Variants in IFT57 observed in about 807,000 individuals in gnomAD.
IFT57 encodes the protein intraflagellar transport 57.
A neutral mutation model predicts 56.8 loss-of-function variants in IFT57; 59 were observed. The ratio of observed to expected loss-of-function variants is 1.04; its 90% confidence interval spans 0.84 to 1.29. IFT57 has a LOEUF of 1.29. Among genes scored for constraint, IFT57 ranks in the 50% most tolerant of loss-of-function variants. The pLI is 0.00. For missense variants in IFT57, 470 were observed against 522.1 expected (o/e 0.90, Z 0.97); for synonymous variants, 209 against 186.1 (o/e 1.12, Z -1.00).
At chr3:108,211,255 G>C (rs2080341228) in intron 4 of IFT57, among the ~76,000 whole-genome samples, 1 of 152,134 alleles carries the variant, frequency 6.6e-6, no homozygotes, top group African/African-American at 2.4e-5. Flanking sequence ...CCAGGTATCT[G>C]TTCATAAACT....
At position 108,173,186 on chromosome 3, in the gene IFT57, C is replaced by A. The variant is rs143700300; in HGVS notation, c.778-5322G>T. On this transcript the variant is annotated intron_variant, in intron 6 of 10. Coordinates refer to ENST00000264538, the MANE Select transcript of IFT57 (RefSeq NM_018010.4). Reference sequence around the variant, plus strand: ...CTACTAAAAATAATGTGGTATGATACTGTTTTTATAAATCTGGAAACCAAG... The same window carrying A: ...CTACTAAAAATAATGTGGTATGATAATGTTTTTATAAATCTGGAAACCAAG... Among the ~76,000 whole-genome samples the A allele has an allele frequency of 3.8e-3, 571 of 151,876 alleles. 5 individuals are homozygous for A. The highest frequency in any genetic ancestry group is 0.013 in the African/African-American group (547 of 41,484).
At chr3:108,181,494 C>A (rs966014857) in intron 6 of IFT57, among the ~76,000 whole-genome samples, 1 of 152,002 alleles carries the variant, frequency 6.6e-6, no homozygotes. Context: ...TGTAAAAGTC[C>A]ATCAGTGAAT....
At chr3:108,199,471 G>A (rs535516826) in intron 5 of IFT57, among the ~76,000 whole-genome samples, 2 of 152,276 alleles carry the variant, frequency 1.3e-5, no homozygotes, top group African/African-American at 4.8e-5. Flanking sequence ...TATAACTTGT[G>A]AAGATCAAAA....
chr3:108,162,542 TCTC>T lies in IFT57; in HGVS notation c.1222_1224del (p.Glu408del). The T allele has an allele frequency of 6.2e-7, 1 of 1,612,408 alleles. No homozygotes were observed. Among genetic ancestry groups the T allele is most frequent in the Non-Finnish European group, 8.5e-7 (1 of 1,178,844 alleles). ...TGCATGTTCCTAGTCATGTTGGACT[TCTC>T]CTTCAGCTTTGATTGGAGTAGTGTG... On this transcript the variant is annotated inframe_deletion, in exon 11 of 11. Coordinates refer to ENST00000264538, the MANE Select transcript of IFT57 (RefSeq NM_018010.4).
At chr3:108,217,049 A>G (rs1035549033) in intron 3 of IFT57, among the ~76,000 whole-genome samples, 25 of 152,246 alleles carry the variant, frequency 1.6e-4, no homozygotes, top group Admixed American at 1.2e-3. Flanking sequence ...ACAATATTAT[A>G]TATTAATTAA....
At chr3:108,184,146 G>A (rs767640747) in intron 6 of IFT57, among the ~76,000 whole-genome samples, 32 of 152,102 alleles carry the variant, frequency 2.1e-4, no homozygotes, top group Non-Finnish European at 3.7e-4. Context: ...GGTCATAACC[G>A]AGGCATTGCT....
chr3:108,181,152 C>T (rs2080149491), intron 6 of IFT57, among the ~76,000 whole-genome samples: 1 of 152,014 alleles, frequency 6.6e-6, no homozygotes, highest in Non-Finnish European at 1.5e-5. Context: ...ACATTTATCA[C>T]ACTCAGGGTA....
Position 108,166,853 on chromosome 3 carries a change from C to T in IFT57, c.981+1G>A. 6.2e-7 allele frequency: 1 copy of T among 1,605,894 alleles called. No individual in the cohort carries two copies. Among genetic ancestry groups the T allele is most frequent in the South Asian group, 1.1e-5 (1 of 89,198 alleles). ...ATCCTTGGAAATCATTCTTAAATTA[C>T]CTCACTCAGCTGGGCTTGAGCTGCA... On this transcript the variant is annotated splice_donor_variant, in intron 8 of 10. Transcript: ENST00000264538. LOFTEE classifies it high-confidence loss of function.
chr3:108,162,826 A>G (rs1294285144), intron 10 of IFT57, among the ~76,000 whole-genome samples, 171 bp from the exon 11 acceptor site: 1 of 152,116 alleles, frequency 6.6e-6, no homozygotes, highest in African/African-American at 2.4e-5. Flanking sequence ...AGCACCTGAG[A>G]TTTTTTAGGA....
chr3:108,175,937 C>A (rs1025751548), intron 6 of IFT57, among the ~76,000 whole-genome samples: 1 of 151,746 alleles, frequency 6.6e-6, no homozygotes, highest in Non-Finnish European at 1.5e-5. Flanking sequence ...CCTCACCAGA[C>A]CACAACTGAC....
intron 6 of IFT57, among the ~76,000 whole-genome samples, chr3:108,180,557 C>T (rs1284725218): frequency 6.6e-6 from 1 of 151,808 alleles, no homozygotes; most frequent in African/African-American, 2.4e-5. Flanking sequence ...CCTCCCAGCT[C>T]AAAAAACTCT....
At chr3:108,183,312 C>T (rs527843624) in intron 6 of IFT57, among the ~76,000 whole-genome samples, 10 of 152,184 alleles carry the variant, frequency 6.6e-5, no homozygotes, top group Admixed American at 1.3e-4. Context: ...AGACAACAGC[C>T]AGCTCATATA....
At chr3:108,189,656 A>G (rs2080204152) in intron 6 of IFT57, among the ~76,000 whole-genome samples, 1 of 152,118 alleles carries the variant, frequency 6.6e-6, no homozygotes, top group Admixed American at 6.6e-5. Flanking sequence ...CTAGAATAGT[A>G]TTGCCTAGTT....
intron 4 of IFT57, among the ~76,000 whole-genome samples, chr3:108,207,262 G>A (rs1252605644): frequency 2.6e-5 from 4 of 152,158 alleles, no homozygotes. Context: ...AGTATAGGTG[G>A]ATGCCGAGCT....
At chr3:108,181,903 T>C (rs2080152994) in intron 6 of IFT57, among the ~76,000 whole-genome samples, 1 of 152,056 alleles carries the variant, frequency 6.6e-6, no homozygotes, top group Non-Finnish European at 1.5e-5. Flanking sequence ...TGAATATTTC[T>C]CAACAGAGGT....
At chr3:108,163,169 A>T (rs1217578493) in intron 10 of IFT57, among the ~76,000 whole-genome samples, 1 of 152,088 alleles carries the variant, frequency 6.6e-6, no homozygotes, top group Non-Finnish European at 1.5e-5. Context: ...TATCAAAGTA[A>T]CCTGCTCACA....
intron 5 of IFT57, among the ~76,000 whole-genome samples, chr3:108,202,338 A>G (rs555645177): frequency 1.2e-4 from 18 of 152,220 alleles, no homozygotes; most frequent in Non-Finnish European, 2.2e-4. Context: ...ACATATGCAA[A>G]TTAGAAATGG....
chr3:108,175,664 T>A (rs551902633), intron 6 of IFT57, among the ~76,000 whole-genome samples: 1 of 151,762 alleles, frequency 6.6e-6, no homozygotes, highest in Non-Finnish European at 1.5e-5. Context: ...GATCTCCAAC[T>A]CAATGCTTAA....
chr3:108,172,203 G>T (rs2080097292), intron 6 of IFT57, among the ~76,000 whole-genome samples: 1 of 151,818 alleles, frequency 6.6e-6, no homozygotes, highest in African/African-American at 2.4e-5. Flanking sequence ...CATTTCAACA[G>T]GCTGCAAAGA....
Sources: allele counts gnomAD v4.1 joint callset (sites outside exome capture counted in the v4.1 genomes callset), GRCh38; gene constraint gnomAD v4.1.1; transcripts MANE v1.5; gene names NCBI Gene and HGNC (gene_info 2026-07-23, HGNC 2026-07-21).